The following MAML3 variants were observed in gnomAD, a reference collection of about 807,000 sequenced individuals.
The protein encoded by MAML3 is mastermind like transcriptional coactivator 3, also known as mastermind-like protein 3.
MAML3 carries 27 observed loss-of-function variants against 101.9 expected under a neutral mutation model. The ratio of observed to expected loss-of-function variants is 0.27; its 90% CI spans 0.20 to 0.37. The LOEUF (loss-of-function observed/expected upper bound fraction) is 0.37, where lower values mean the gene tolerates loss of function less well. Ranked by LOEUF, MAML3 falls within the 10% of genes least tolerant of loss-of-function variation. The probability of loss-of-function intolerance (pLI) is 1.00; values close to 1 mark genes in which losing one functional copy is unlikely to be tolerated. For synonymous variants in MAML3, 501 were observed against 555.9 expected (o/e 0.90, Z 1.39); for missense variants, 1,316 against 1,444.9 (o/e 0.91, Z 1.45).
intron 4 of MAML3, among the ~76,000 whole-genome samples, chr4:139,724,358 C>G (rs771578908): frequency 1.7e-4 from 26 of 152,148 alleles, no homozygotes; most frequent in Non-Finnish European, 3.2e-4. Flanking sequence ...CTGATATGCT[C>G]TGGTAATTTC....
intron 2 of MAML3, among the ~76,000 whole-genome samples, chr4:139,769,644 T>C (rs1014272744): frequency 1.3e-5 from 2 of 152,122 alleles, no homozygotes; most frequent in African/African-American, 4.8e-5. Context: ...TGACGGAGTT[T>C]CACTTTAGTT....
At chr4:139,924,316 A>T (rs1733180669) in intron 1 of MAML3, among the ~76,000 whole-genome samples, 1 of 152,222 alleles carries the variant, frequency 6.6e-6, no homozygotes. Flanking sequence ...AGAGGCAATC[A>T]CAAATGGACA....
At chr4:139,977,228 C>T (rs140670744) in intron 1 of MAML3, among the ~76,000 whole-genome samples, 29 of 152,260 alleles carry the variant, frequency 1.9e-4, no homozygotes, top group African/African-American at 7.0e-4. Context: ...TTATAAACCA[C>T]CCAGTTAATG....
chr4:139,974,508 T>C (rs1297847972), intron 1 of MAML3, among the ~76,000 whole-genome samples: 1 of 152,184 alleles, frequency 6.6e-6, no homozygotes, highest in Non-Finnish European at 1.5e-5. Context: ...CTTAATGTAC[T>C]TATAATTTCA....
chr4:140,056,937 G>T (rs1392873907), intron 1 of MAML3, among the ~76,000 whole-genome samples: 1 of 152,104 alleles, frequency 6.6e-6, no homozygotes, highest in Non-Finnish European at 1.5e-5. Context: ...AACATTAATG[G>T]ATTATCCCAA....
intron 1 of MAML3, among the ~76,000 whole-genome samples, chr4:139,954,424 C>T (rs1443826617): frequency 6.6e-6 from 1 of 152,192 alleles, no homozygotes; most frequent in African/African-American, 2.4e-5. Flanking sequence ...CCGTGGAACA[C>T]CTTTGTCAGA....
At chr4:139,755,499 A>C (rs1324751830) in intron 2 of MAML3, among the ~76,000 whole-genome samples, 1 of 152,188 alleles carries the variant, frequency 6.6e-6, no homozygotes, top group South Asian at 2.1e-4. Context: ...TCCCAGTTAC[A>C]TGGGAGGCTG....
rs186966709 is a variant in MAML3 at position 139,825,574 on chromosome 4, G to A, written c.2079+63783C>T. Among the ~76,000 whole-genome samples, 915 of 152,228 alleles carry A rather than the reference G, an allele frequency of 6.0e-3. 13 individuals are homozygous for A. The highest frequency in any genetic ancestry group is 0.02 in the African/African-American group (849 of 41,534). On this transcript the variant is annotated intron_variant, in intron 2 of 4. Coordinates refer to ENST00000509479, the MANE Select transcript of MAML3 (RefSeq NM_018717.5). ...GTGGCAGGAGGCAGAGCCTACCCTCGGCCGCAGGCAGCCATGAGCTGGGTG... is the reference window on the plus strand; with the variant it reads ...GTGGCAGGAGGCAGAGCCTACCCTCAGCCGCAGGCAGCCATGAGCTGGGTG...
intron 1 of MAML3, among the ~76,000 whole-genome samples, chr4:139,944,159 C>A (rs564589641): frequency 6.6e-6 from 1 of 151,928 alleles, no homozygotes; most frequent in South Asian, 2.1e-4. Context: ...CATAAGCCAC[C>A]GTGCCCGGCC....
chr4:139,748,262 A>G (rs1729389133), intron 2 of MAML3, among the ~76,000 whole-genome samples: 1 of 152,068 alleles, frequency 6.6e-6, no homozygotes, highest in African/African-American at 2.4e-5. Flanking sequence ...GAGCCATAAG[A>G]GAAGACACTC....
Position 140,074,024 on chromosome 4 carries a change from C to T in MAML3, c.468+78836G>A, listed in dbSNP as rs541508009. Among the ~76,000 whole-genome samples, 17 of 151,698 alleles carry T rather than the reference C, an allele frequency of 1.1e-4. No individual in the cohort carries two copies. In the East Asian group the frequency reaches 2.1e-3, roughly 19 times the overall value. ...GCGCTCACCTGTAGTCCCATCTACT[C>T]GGGAGGCTGAGGCAGGACAATAGCT... On this transcript the variant is annotated intron_variant, in intron 1 of 4. Transcript: ENST00000509479.
chr4:139,841,164 G>A (rs1217379936), intron 2 of MAML3, among the ~76,000 whole-genome samples: 1 of 152,202 alleles, frequency 6.6e-6, no homozygotes, highest in Non-Finnish European at 1.5e-5. Flanking sequence ...AAGACATAAA[G>A]GACTAATTAT....
At chr4:139,874,964 C>T (rs558860351) in intron 2 of MAML3, among the ~76,000 whole-genome samples, 8 of 151,980 alleles carry the variant, frequency 5.3e-5, no homozygotes, top group Non-Finnish European at 1.2e-4. Flanking sequence ...CCACCACGCC[C>T]GGCTAATTTT....
intron 1 of MAML3, among the ~76,000 whole-genome samples, chr4:140,024,505 AGCGTGTGCTGGGATTACAG>A (rs766081671): frequency 9.2e-5 from 14 of 152,238 alleles, no homozygotes; most frequent in East Asian, 1.9e-4. Flanking sequence ...CTGGATTACA[AGCGTGTGCTGGGATTACAG>A]GCGTGTGCTG....
intron 1 of MAML3, among the ~76,000 whole-genome samples, chr4:139,979,664 G>T (rs1275080848): frequency 6.6e-6 from 1 of 152,186 alleles, no homozygotes. Context: ...ACAGTGTTCA[G>T]TTAGCTTGAT....
chr4:139,802,441 A>T (rs1730626398), intron 2 of MAML3, among the ~76,000 whole-genome samples: 2 of 152,006 alleles, frequency 1.3e-5, no homozygotes, highest in South Asian at 4.2e-4. Flanking sequence ...GCCATGCCCG[A>T]CTTCCTCTCA....
intron 2 of MAML3, among the ~76,000 whole-genome samples, chr4:139,788,576 T>C (rs1387230978): frequency 6.6e-6 from 1 of 152,212 alleles, no homozygotes; most frequent in Non-Finnish European, 1.5e-5. Flanking sequence ...GCTAGGTGCC[T>C]ACCATTGTCC....
intron 1 of MAML3, among the ~76,000 whole-genome samples, chr4:140,129,851 G>A (rs1474306223): frequency 6.6e-6 from 1 of 151,942 alleles, no homozygotes; most frequent in Non-Finnish European, 1.5e-5. Flanking sequence ...TGTAGTCCCA[G>A]CTATTCGAGA....
intron 2 of MAML3, among the ~76,000 whole-genome samples, chr4:139,832,777 G>T (rs1731191344): frequency 6.6e-6 from 1 of 152,170 alleles, no homozygotes; most frequent in South Asian, 2.1e-4. Context: ...AGGTCCATAC[G>T]AGCACATAAT....
Sources: gnomAD v4.1 joint callset for allele counts (sites outside exome capture counted in the v4.1 genomes callset) on GRCh38, gnomAD v4.1.1 for gene constraint, MANE v1.5 for transcripts, NCBI Gene and HGNC (gene_info 2026-07-23, HGNC 2026-07-21) for gene names.